GPR137C: variants seen among roughly 807,000 people sequenced by gnomAD.
GPR137C encodes G protein-coupled receptor 137C.
Under a neutral mutation model 43.4 loss-of-function variants are expected in GPR137C, and 27 were observed. That is an observed-to-expected ratio of 0.62 (90% CI 0.46 to 0.86). The LOEUF is 0.86. Among genes scored for constraint, GPR137C ranks in the 40% least tolerant of loss-of-function variants. The pLI is 0.00. For missense variants in GPR137C, 522 were observed against 534.6 expected (o/e 0.98, Z 0.23); for synonymous variants, 285 against 226.9 (o/e 1.26, Z -2.30).
intron 3 of GPR137C, among the ~76,000 whole-genome samples, chr14:52,626,565 G>A (rs1325306322): frequency 6.6e-6 from 1 of 151,894 alleles, no homozygotes; most frequent in Non-Finnish European, 1.5e-5. Flanking sequence ...AATATTGAAT[G>A]TTCTCCCCCT....
chr14:52,627,883 C>T (rs2039247576), intron 3 of GPR137C, among the ~76,000 whole-genome samples: 1 of 152,074 alleles, frequency 6.6e-6, no homozygotes, highest in Admixed American at 6.6e-5. Flanking sequence ...TAAAGTAGTG[C>T]TTTCCTATGG....
chr14:52,607,549 C>G (rs1432665294), intron 3 of GPR137C, among the ~76,000 whole-genome samples: 1 of 152,060 alleles, frequency 6.6e-6, no homozygotes, highest in Non-Finnish European at 1.5e-5. Flanking sequence ...TGTATAATGA[C>G]GTTTGTGTCT....
At chr14:52,627,250 A>G (rs2039238575) in intron 3 of GPR137C, among the ~76,000 whole-genome samples, 1 of 152,140 alleles carries the variant, frequency 6.6e-6, no homozygotes, top group Admixed American at 6.5e-5. Flanking sequence ...AAAATTAGCC[A>G]GACATGGTGG....
intron 1 of GPR137C, among the ~76,000 whole-genome samples, chr14:52,569,642 C>T (rs2038433668): frequency 6.6e-6 from 1 of 151,572 alleles, no homozygotes; most frequent in South Asian, 2.1e-4. Flanking sequence ...CTTCGTGAAG[C>T]ATACACAAGT....
In GPR137C at chr14:52,553,270, G is replaced by C. The variant is rs1179765685; in HGVS notation, c.123G>C (p.Val41=). The C allele has an allele frequency of 2.1e-6, 3 of 1,460,764 alleles. No homozygotes were observed. Among genetic ancestry groups the C allele is most frequent in the Non-Finnish European group, 2.7e-6 (3 of 1,104,764 alleles). 90.5% of individuals were successfully genotyped at this position (1,460,764 alleles called of 1,614,324 possible). A position where few individuals can be genotyped will look rare whatever the true frequency, so the allele number is the denominator to read the frequency against. ...GAVAAASGAA[V]PGSVQLALSV... is the part of the protein sequence containing the mutation. ...TCGCTGCAGCCTCAGGCGCCGCGGT[G>C]CCGGGCTCCGTGCAGTTGGCGCTGA... The change falls in exon 1 of 7, where the codon GTG becomes GTC. Residue 41 remains valine (V), a synonymous_variant. Coordinates refer to ENST00000321662, the MANE Select transcript of GPR137C (RefSeq NM_001099652.2).
intron 1 of GPR137C, among the ~76,000 whole-genome samples, chr14:52,562,328 A>G (rs758904564): frequency 1.1e-4 from 16 of 152,234 alleles, no homozygotes; most frequent in Non-Finnish European, 1.8e-4. Context: ...AATTACTGTG[A>G]AAATTATATA....
chr14:52,611,141 G>T (rs753821047), intron 3 of GPR137C, among the ~76,000 whole-genome samples: 2 of 151,686 alleles, frequency 1.3e-5, no homozygotes, highest in African/African-American at 4.8e-5. Flanking sequence ...ATTTATTTTG[G>T]TTTTTTCATT....
chr14:52,613,867 C>A (rs1263457777), intron 3 of GPR137C: 1 of 155,026 alleles, frequency 6.5e-6, no homozygotes, highest in Non-Finnish European at 1.4e-5. Context: ...TGGGTATATA[C>A]CCAGCAGTGG....
intron 1 of GPR137C, among the ~76,000 whole-genome samples, chr14:52,557,707 C>A (rs1404387929): frequency 2.0e-5 from 3 of 152,130 alleles, no homozygotes; most frequent in Non-Finnish European, 4.4e-5. Context: ...TTTCAAAGCA[C>A]TTTGTAACAT....
chr14:52,610,724 A>G (rs1053155278), intron 3 of GPR137C, among the ~76,000 whole-genome samples: 3 of 152,180 alleles, frequency 2.0e-5, no homozygotes, highest in Non-Finnish European at 2.9e-5. Context: ...AATACATTCT[A>G]TGCTTGCATA....
At chr14:52,629,599 T>G (rs2039271052) in intron 3 of GPR137C, among the ~76,000 whole-genome samples, 1 of 152,184 alleles carries the variant, frequency 6.6e-6, no homozygotes, top group Non-Finnish European at 1.5e-5. Context: ...AGAGTTCATA[T>G]TCTATGGTGC....
chr14:52,573,476 G>A (rs1490996139), intron 1 of GPR137C, among the ~76,000 whole-genome samples: 10 of 152,178 alleles, frequency 6.6e-5, no homozygotes, highest in Admixed American at 5.2e-4. Flanking sequence ...ATGGGGAAAG[G>A]ATTCCCTATT....
intron 3 of GPR137C, among the ~76,000 whole-genome samples, chr14:52,609,278 C>A (rs1259444996): frequency 6.6e-6 from 1 of 152,074 alleles, no homozygotes; most frequent in Non-Finnish European, 1.5e-5. Context: ...ATTTCAATCT[C>A]TATATTAAAT....
At chr14:52,629,910 T>TGTGG (rs2039275454) in intron 3 of GPR137C, among the ~76,000 whole-genome samples, 1 of 152,148 alleles carries the variant, frequency 6.6e-6, no homozygotes, top group South Asian at 2.1e-4. Context: ...ACTTATCAAG[T>TGTGG]GTGGAATTTC....
chr14:52,620,333 A>G (rs186376129), intron 3 of GPR137C, among the ~76,000 whole-genome samples: 3 of 152,260 alleles, frequency 2.0e-5, no homozygotes, highest in Admixed American at 2.0e-4. Flanking sequence ...CACATGTGAA[A>G]GACAGGCTCC....
chr14:52,565,919 CAG>C (rs1165543061), intron 1 of GPR137C, among the ~76,000 whole-genome samples: 1 of 152,028 alleles, frequency 6.6e-6, no homozygotes, highest in Non-Finnish European at 1.5e-5. Flanking sequence ...TTTTCTGGGC[CAG>C]TTGTATAATT....
chr14:52,633,988 T>C (rs549765909), intron 6 of GPR137C, 42 bp downstream of exon 6: 21 of 1,185,778 alleles, frequency 1.8e-5, no homozygotes, highest in Non-Finnish European at 2.4e-5. Flanking sequence ...ACTATTGAAA[T>C]TGATTGAAAA....
intron 1 of GPR137C, among the ~76,000 whole-genome samples, chr14:52,555,707 T>C (rs1048241807): frequency 6.6e-6 from 1 of 152,208 alleles, no homozygotes; most frequent in Non-Finnish European, 1.5e-5. Context: ...AAATACAATT[T>C]GGAAAGAAGC....
chr14:52,558,338 A>G (rs1186096494), intron 1 of GPR137C, among the ~76,000 whole-genome samples: 1 of 152,212 alleles, frequency 6.6e-6, no homozygotes, highest in African/African-American at 2.4e-5. Flanking sequence ...TCAGTGGATC[A>G]GCTAGGAAAA....
Sources: gnomAD v4.1 joint callset for allele counts (sites outside exome capture counted in the v4.1 genomes callset) on GRCh38, gnomAD v4.1.1 for gene constraint, MANE v1.5 for transcripts, NCBI Gene and HGNC (gene_info 2026-07-23, HGNC 2026-07-21) for gene names.